PTPN22: variants seen among roughly 807,000 people sequenced by gnomAD.
PTPN22 encodes the protein tyrosine-protein phosphatase non-receptor type 22.
Under a neutral mutation model 103.3 loss-of-function variants are expected in PTPN22, and 85 were observed. The ratio of observed to expected loss-of-function variants is 0.82; its 90% CI spans 0.69 to 0.99. PTPN22 has a LOEUF of 0.99. Ranked by LOEUF, PTPN22 falls within the 50% of genes least tolerant of loss-of-function variation. PTPN22 has a pLI of 0.00. For synonymous variants in PTPN22, 323 were observed against 310.2 expected (o/e 1.04, Z -0.43); for missense variants, 865 against 936.9 (o/e 0.92, Z 1.00).
In PTPN22 at chr1:113,866,640, T is replaced by C. The variant is rs1162480894; in HGVS notation, c.87+4897A>G. 2.0e-5 allele frequency among the ~76,000 whole-genome samples: 3 copies of C among 152,128 alleles called. No individual in the cohort carries two copies. The East Asian group carries it at 5.8e-4, about 29-fold the overall frequency. On this transcript the variant is annotated intron_variant, in intron 1 of 20. Transcript: ENST00000359785. ...CAGCCTGATAATTTTGGTATAATGG[T>C]AAGTGAAAATATGAGAACACAAAAT...
intron 1 of PTPN22, among the ~76,000 whole-genome samples, chr1:113,861,870 A>C (rs878866647): frequency 1.3e-5 from 2 of 152,200 alleles, no homozygotes; most frequent in Non-Finnish European, 2.9e-5. Context: ...TAAGTTTGTG[A>C]AGAAAAGATA....
At chr1:113,822,404 A>C (rs1012193053) in intron 19 of PTPN22, among the ~76,000 whole-genome samples, 4 of 152,234 alleles carry the variant, frequency 2.6e-5, no homozygotes, top group Non-Finnish European at 4.4e-5. Flanking sequence ...GATTCCCATT[A>C]CACTTAGAAT....
intron 11 of PTPN22, 138 bp from the exon 12 acceptor site, chr1:113,838,758 C>A: frequency 7.5e-7 from 1 of 1,341,034 alleles, no homozygotes; most frequent in Non-Finnish European, 9.8e-7. Context: ...AGATTAGCTT[C>A]CAAAATATTG....
intron 9 of PTPN22, 106 bp downstream of exon 9, chr1:113,854,365 T>C (rs1664868045): frequency 9.1e-7 from 1 of 1,098,876 alleles, no homozygotes; most frequent in Non-Finnish European, 1.4e-6. Flanking sequence ...GTACATTTTC[T>C]AGAAAAGATG....
intron 15 of PTPN22, 98 bp from the exon 16 acceptor site, chr1:113,833,236 T>C: frequency 1.2e-6 from 1 of 829,874 alleles, no homozygotes; most frequent in Non-Finnish European, 1.8e-6. Context: ...ATATGTAATA[T>C]AGCTGTAGAG....
chr1:113,827,527 G>C (rs1662194369), intron 18 of PTPN22, among the ~76,000 whole-genome samples: 2 of 151,994 alleles, frequency 1.3e-5, no homozygotes, highest in African/African-American at 4.8e-5. Context: ...TATTCCATTT[G>C]TATGGATATA....
At chr1:113,833,176 A>G in intron 15 of PTPN22, 38 bp from the exon 16 acceptor site, 1 of 1,480,938 alleles carries the variant, frequency 6.8e-7, no homozygotes, top group East Asian at 2.3e-5. Flanking sequence ...AAAGAAGAAT[A>G]TGTATACAAA....
chr1:113,864,401 A>C (rs763892295), intron 1 of PTPN22: 2 of 220,776 alleles, frequency 9.1e-6, no homozygotes, highest in Non-Finnish European at 1.8e-5. Flanking sequence ...AGAAAAAAAA[A>C]AAAAGAAAGA....
intron 20 of PTPN22, among the ~76,000 whole-genome samples, chr1:113,818,007 C>G (rs1661297226): frequency 1.3e-5 from 2 of 148,786 alleles, no homozygotes; most frequent in Admixed American, 6.7e-5. Context: ...CCAGACTGGT[C>G]TTCAACTCCT....
chr1:113,862,651 C>T (rs970139817), intron 1 of PTPN22, among the ~76,000 whole-genome samples: 15 of 152,142 alleles, frequency 9.9e-5, no homozygotes, highest in Non-Finnish European at 1.3e-4. Flanking sequence ...GGATAGAAGA[C>T]GTAGCATTTT....
At chr1:113,870,683 T>C (rs1666502495) in intron 1 of PTPN22, among the ~76,000 whole-genome samples, 1 of 151,984 alleles carries the variant, frequency 6.6e-6, no homozygotes, top group Non-Finnish European at 1.5e-5. Context: ...GCCCTGTTAT[T>C]GAAAAAACAC....
At chr1:113,814,895 T>C in exon 21 of PTPN22, 1 of 1,583,316 alleles carries the variant, frequency 6.3e-7, no homozygotes, top group Non-Finnish European at 8.7e-7. Context: ...ATTATAAATC[T>C]GGAGTTTTAT....
At chr1:113,868,316 C>T (rs1666286898) in intron 1 of PTPN22, among the ~76,000 whole-genome samples, 1 of 152,122 alleles carries the variant, frequency 6.6e-6, no homozygotes, top group African/African-American at 2.4e-5. Context: ...CTTAAAGTTA[C>T]CACCAGTTAA....
intron 1 of PTPN22, among the ~76,000 whole-genome samples, chr1:113,861,137 C>T (rs1202744277): frequency 1.3e-5 from 2 of 152,206 alleles, no homozygotes; most frequent in African/African-American, 2.4e-5. Flanking sequence ...CAGAATTATT[C>T]ATTTGTAATG....
At chr1:113,843,099 CAAAA>C (rs71090738) in intron 11 of PTPN22, among the ~76,000 whole-genome samples, 2 of 47,926 alleles carry the variant, frequency 4.2e-5, no homozygotes, top group African/African-American at 2.3e-4. Flanking sequence ...GACTCCGTCT[CAAAA>C]AAAAAAAAAA....
At chr1:113,859,391 T>C in exon 2 of PTPN22, 4 of 1,613,894 alleles carry the variant, frequency 2.5e-6, no homozygotes, top group Non-Finnish European at 2.5e-6. Flanking sequence ...TTGATATTCT[T>C]GGGCTTCTCA....
chr1:113,858,799 C>T (rs764398893), intron 3 of PTPN22, among the ~76,000 whole-genome samples: 1 of 152,054 alleles, frequency 6.6e-6, no homozygotes, highest in African/African-American at 2.4e-5. Flanking sequence ...GCCACCACAC[C>T]TGGCTAATTT....
exon 13 of PTPN22, chr1:113,838,259 G>A: frequency 6.2e-7 from 1 of 1,614,072 alleles, no homozygotes; most frequent in Non-Finnish European, 8.5e-7. Flanking sequence ...TTTAGCTCCA[G>A]AAAGTCAAAA....
chr1:113,827,631 A>G (rs750757706), intron 18 of PTPN22, among the ~76,000 whole-genome samples: 2 of 152,186 alleles, frequency 1.3e-5, no homozygotes, highest in African/African-American at 2.4e-5. Context: ...TAATGCTGCA[A>G]TGAATACTTG....
Sources: gnomAD v4.1 joint callset for allele counts (sites outside exome capture counted in the v4.1 genomes callset) on GRCh38, gnomAD v4.1.1 for gene constraint, MANE v1.5 for transcripts, NCBI Gene and HGNC (gene_info 2026-07-23, HGNC 2026-07-21) for gene names.